RAVER2: variants seen among roughly 807,000 people sequenced by gnomAD.
RAVER2 encodes the protein ribonucleoprotein, PTB binding 2.
Under a neutral mutation model 78.1 loss-of-function variants are expected in RAVER2, and 46 were observed. The ratio of observed to expected loss-of-function variants is 0.59; its 90% CI spans 0.46 to 0.75. The LOEUF is 0.75. Among genes scored for constraint, RAVER2 ranks in the 30% least tolerant of loss-of-function variants. The probability of loss-of-function intolerance (pLI) is 0.00; values close to 1 mark genes in which losing one functional copy is unlikely to be tolerated. For missense variants in RAVER2, 793 were observed against 837.5 expected (o/e 0.95, Z 0.66); for synonymous variants, 311 against 313.3 (o/e 0.99, Z 0.08).
At chr1:64,826,600 C>T (rs990354005) in intron 11 of RAVER2, among the ~76,000 whole-genome samples, 1 of 152,062 alleles carries the variant, frequency 6.6e-6, no homozygotes, top group Non-Finnish European at 1.5e-5. Flanking sequence ...CAATTTAGGA[C>T]CTTTTAGGCC....
chr1:64,803,878 TTA>T (rs1281604351), intron 6 of RAVER2, among the ~76,000 whole-genome samples: 1 of 152,166 alleles, frequency 6.6e-6, no homozygotes, highest in East Asian at 1.9e-4. Flanking sequence ...CATTAAACAG[TTA>T]ATTACAATAA....
intron 10 of RAVER2, among the ~76,000 whole-genome samples, chr1:64,813,828 GACACACAC>G (rs10566575): frequency 0.16 from 22,735 of 145,856 alleles, 2,452 homozygotes; most frequent in East Asian, 0.3. Context: ...TTAGAGACTA[GACACACAC>G]ACACACACAC....
chr1:64,745,782 G>GC lies in RAVER2; in HGVS notation c.249+362dup, dbSNP rs1651514361. 6.6e-6 allele frequency among the ~76,000 whole-genome samples: 1 copy of GC among 151,644 alleles called. No individual in the cohort carries two copies. The highest frequency in any genetic ancestry group is 2.4e-5 in the African/African-American group (1 of 41,232). The stretch of plus-strand genomic sequence containing the variant: ...TGGAGCACACATTTTGCGGGGGGGA[G>GC]CGGGGGTAGAGGGGGCCGAAGCTTC... On this transcript the variant is annotated intron_variant, in intron 1 of 11. Coordinates refer to ENST00000294428, the Ensembl canonical transcript of RAVER2. This position sits in a 1 kb window ranked among gnomAD's most constrained non-coding sequence, Gnocchi z 4.3.
chr1:64,832,183 A>C (rs544010905), exon 12 of RAVER2: 1 of 152,714 alleles, frequency 6.5e-6, no homozygotes, highest in African/African-American at 2.4e-5. Flanking sequence ...TATTATTTCC[A>C]CAATATAGTA....
chr1:64,789,355 T>G, intron 4 of RAVER2, 33 bp from the exon 5 acceptor site: 2 of 1,556,862 alleles, frequency 1.3e-6, no homozygotes, highest in Non-Finnish European at 1.7e-6. Flanking sequence ...ACTTATGCTG[T>G]TCTAATGTTT....
At chr1:64,809,098 C>T (rs1653529990) in intron 9 of RAVER2, among the ~76,000 whole-genome samples, 3 of 152,150 alleles carry the variant, frequency 2.0e-5, no homozygotes, top group Non-Finnish European at 4.4e-5. Flanking sequence ...AGTAGTCATA[C>T]AGTATTGTGT....
At chr1:64,801,194 C>T (rs1371688582) in intron 5 of RAVER2, among the ~76,000 whole-genome samples, 1 of 151,570 alleles carries the variant, frequency 6.6e-6, no homozygotes, top group East Asian at 1.9e-4. Flanking sequence ...CGCCTCCCAG[C>T]CTCAAGCAGT....
At chr1:64,819,039 T>A (rs1418227950) in intron 11 of RAVER2, among the ~76,000 whole-genome samples, 1 of 151,986 alleles carries the variant, frequency 6.6e-6, no homozygotes, top group Non-Finnish European at 1.5e-5. Context: ...AAATCAACAC[T>A]CATCAGAGGA....
intron 5 of RAVER2, among the ~76,000 whole-genome samples, chr1:64,795,978 C>T (rs1330504720): frequency 6.6e-6 from 1 of 151,824 alleles, no homozygotes; most frequent in Non-Finnish European, 1.5e-5. Context: ...CCATCTATTT[C>T]TAATTGCCGA....
chr1:64,766,650 T>C (rs1652183498), intron 1 of RAVER2, among the ~76,000 whole-genome samples: 1 of 152,192 alleles, frequency 6.6e-6, no homozygotes, highest in South Asian at 2.1e-4. Context: ...ATGAGTAACA[T>C]AACATGTCAT....
intron 9 of RAVER2, among the ~76,000 whole-genome samples, chr1:64,812,495 T>A (rs750459871): frequency 1.3e-5 from 2 of 152,044 alleles, no homozygotes; most frequent in Admixed American, 1.3e-4. Flanking sequence ...CTGGTTCAAA[T>A]GAGAAGGTTG....
chr1:64,823,007 T>C (rs993240567), intron 11 of RAVER2, among the ~76,000 whole-genome samples: 2 of 152,004 alleles, frequency 1.3e-5, no homozygotes, highest in African/African-American at 4.8e-5. Flanking sequence ...AAGTAGATAG[T>C]GGTTATTGGG....
intron 1 of RAVER2, among the ~76,000 whole-genome samples, chr1:64,749,203 A>AT (rs1436533658): frequency 1.3e-5 from 2 of 151,388 alleles, no homozygotes; most frequent in Non-Finnish European, 2.9e-5. Flanking sequence ...CTTGCATTGG[A>AT]TTTTTTGTTT....
chr1:64,783,893 C>T (rs920603567), intron 4 of RAVER2, among the ~76,000 whole-genome samples: 41 of 152,186 alleles, frequency 2.7e-4, no homozygotes, highest in African/African-American at 7.0e-4. Flanking sequence ...ACCATGCAAC[C>T]GGTTGCCTGA....
intron 1 of RAVER2, among the ~76,000 whole-genome samples, chr1:64,768,082 A>G (rs1401633183): frequency 6.6e-6 from 1 of 151,914 alleles, no homozygotes; most frequent in African/African-American, 2.4e-5. Flanking sequence ...AATCTATTTT[A>G]TTTTTATTTT....
At chr1:64,773,059 G>A (rs1652363661) in intron 2 of RAVER2, among the ~76,000 whole-genome samples, 1 of 152,076 alleles carries the variant, frequency 6.6e-6, no homozygotes, top group Non-Finnish European at 1.5e-5. Flanking sequence ...CCTATTAGAC[G>A]GGTGGAATTT....
intron 1 of RAVER2, among the ~76,000 whole-genome samples, chr1:64,755,805 C>G (rs1333028187): frequency 2.5e-5 from 3 of 120,724 alleles, no homozygotes; most frequent in Non-Finnish European, 4.8e-5. Flanking sequence ...ACATGTGAAT[C>G]TGGGAAGTTT....
At chr1:64,799,741 G>A (rs182578911) in intron 5 of RAVER2, among the ~76,000 whole-genome samples, 1 of 152,074 alleles carries the variant, frequency 6.6e-6, no homozygotes, top group Admixed American at 6.5e-5. Flanking sequence ...GCACCTGGCC[G>A]TGATTTCCTT....
At chr1:64,772,520 G>T (rs914989880) in intron 2 of RAVER2, among the ~76,000 whole-genome samples, 6 of 152,036 alleles carry the variant, frequency 3.9e-5, no homozygotes, top group Non-Finnish European at 7.4e-5. Flanking sequence ...AATAGATTAC[G>T]ATGTGATGTG....
Sources: gnomAD v4.1 joint callset for allele counts (sites outside exome capture counted in the v4.1 genomes callset) on GRCh38, gnomAD v4.1.1 for gene constraint, Gnocchi (gnomAD v3.1) non-coding constraint, MANE v1.5 for transcripts, NCBI Gene and HGNC (gene_info 2026-07-23, HGNC 2026-07-21) for gene names.